The following SLC30A8 variants were observed in gnomAD, a reference collection of about 807,000 sequenced individuals.
SLC30A8 encodes proton-coupled zinc antiporter SLC30A8.
Under a neutral mutation model 36.9 loss-of-function variants are expected in SLC30A8, and 27 were observed. That is an observed-to-expected ratio of 0.73 (90% CI 0.54 to 1.01). The LOEUF (loss-of-function observed/expected upper bound fraction) is 1.01, where lower values mean the gene tolerates loss of function less well. Among genes scored for constraint, SLC30A8 ranks in the 50% least tolerant of loss-of-function variants. The pLI is 0.00. For missense variants in SLC30A8, 439 were observed against 452.0 expected, an observed-to-expected ratio of 0.97 and a Z score of 0.26; for synonymous variants, 164 against 172.4, an observed-to-expected ratio of 0.95 and a Z score of 0.38.
intron 1 of SLC30A8, among the ~76,000 whole-genome samples, chr8:117,026,437 TG>T (rs1292226900): frequency 3.9e-5 from 6 of 152,198 alleles, no homozygotes; most frequent in Non-Finnish European, 7.3e-5. Flanking sequence ...CAAGTATGCC[TG>T]GAAGAAATTC....
chr8:117,084,760 C>T (rs1818808399), intron 2 of SLC30A8, among the ~76,000 whole-genome samples: 1 of 152,136 alleles, frequency 6.6e-6, no homozygotes, highest in African/African-American at 2.4e-5. Context: ...AGACTTACAA[C>T]TAGTTTCTAC....
intron 1 of SLC30A8, among the ~76,000 whole-genome samples, chr8:117,008,056 G>T (rs1816237375): frequency 6.6e-6 from 1 of 152,116 alleles, no homozygotes; most frequent in Non-Finnish European, 1.5e-5. Context: ...ATAAGAGGCT[G>T]GTAGTGGCAA....
chr8:117,164,523 G>A (rs754847912), intron 6 of SLC30A8, among the ~76,000 whole-genome samples: 5 of 152,132 alleles, frequency 3.3e-5, no homozygotes, highest in African/African-American at 7.2e-5. Context: ...GCAGTGAGCC[G>A]AGATGGCACA....
chr8:116,973,769 A>C (rs1460826662), intron 1 of SLC30A8, among the ~76,000 whole-genome samples: 1 of 152,164 alleles, frequency 6.6e-6, no homozygotes, highest in Non-Finnish European at 1.5e-5. Flanking sequence ...GGATGCATCA[A>C]GCTACCTGAC....
chr8:116,998,513 G>A (rs912785477), intron 1 of SLC30A8, among the ~76,000 whole-genome samples: 4 of 152,142 alleles, frequency 2.6e-5, no homozygotes, highest in Non-Finnish European at 4.4e-5. Context: ...TTCATCTAAG[G>A]GCCTATGCCC....
chr8:117,136,068 A>T lies in SLC30A8; in HGVS notation c.71+670A>T, dbSNP rs142416602. On this transcript the variant is annotated intron_variant, in intron 1 of 7. Transcript: ENST00000456015. ...AAACTTAGTCTAATGTGAAATACAT[A>T]TTAGAACTAGGCAATTACAAAACAG... Among the ~76,000 whole-genome samples the T allele has an allele frequency of 3.0e-3, 452 of 152,116 alleles. 5 individuals are homozygous for T. Among genetic ancestry groups the T allele is most frequent in the African/African-American group, 0.01 (422 of 41,550 alleles).
intron 6 of SLC30A8, among the ~76,000 whole-genome samples, chr8:117,168,645 C>G (rs934397771): frequency 6.6e-6 from 1 of 151,688 alleles, no homozygotes; most frequent in African/African-American, 2.4e-5. Flanking sequence ...ATGAAGGAGA[C>G]AAGTGAAAAA....
intron 1 of SLC30A8, among the ~76,000 whole-genome samples, chr8:117,017,137 A>T (rs1312531542): frequency 6.6e-6 from 1 of 152,154 alleles, no homozygotes; most frequent in East Asian, 1.9e-4. Context: ...AGGGTTATTT[A>T]GAGATTAAAT....
intron 3 of SLC30A8, among the ~76,000 whole-genome samples, chr8:117,156,674 A>G (rs539453506): frequency 3.6e-4 from 55 of 152,340 alleles, no homozygotes; most frequent in South Asian, 1.9e-3. Context: ...CACATCAAAT[A>G]TGTAATTTCA....
At chr8:116,981,890 G>C (rs1234465081) in intron 1 of SLC30A8, among the ~76,000 whole-genome samples, 1 of 152,146 alleles carries the variant, frequency 6.6e-6, no homozygotes, top group Non-Finnish European at 1.5e-5. Context: ...GTGTGCATGT[G>C]TCTTTATGAT....
At chr8:117,171,381 G>C (rs1447137192) in intron 7 of SLC30A8, among the ~76,000 whole-genome samples, 1 of 152,106 alleles carries the variant, frequency 6.6e-6, no homozygotes, top group Non-Finnish European at 1.5e-5. Context: ...GCTGACTGCA[G>C]AGGGCTGAGG....
chr8:117,051,826 A>C (rs1817719005), intron 2 of SLC30A8, among the ~76,000 whole-genome samples: 1 of 151,688 alleles, frequency 6.6e-6, no homozygotes, highest in Non-Finnish European at 1.5e-5. Context: ...ATAAAAAAAA[A>C]TAAAAAAAAT....
chr8:117,062,486 C>T (rs144498173), intron 2 of SLC30A8, among the ~76,000 whole-genome samples: 330 of 152,256 alleles, frequency 2.2e-3, no homozygotes, highest in African/African-American at 7.7e-3. Context: ...TCAGATCTCA[C>T]ATGAACTCAC....
chr8:117,026,780 A>G (rs1816888597), intron 1 of SLC30A8, among the ~76,000 whole-genome samples: 1 of 152,168 alleles, frequency 6.6e-6, no homozygotes, highest in Admixed American at 6.5e-5. Context: ...ATGCTATGCA[A>G]TCTGGATACT....
intron 3 of SLC30A8, among the ~76,000 whole-genome samples, chr8:117,155,570 G>A (rs897890645): frequency 6.6e-6 from 1 of 152,160 alleles, no homozygotes; most frequent in African/African-American, 2.4e-5. Context: ...CAGTATTTTG[G>A]GGGGTACATT....
At chr8:116,977,753 A>G (rs1435784296) in intron 1 of SLC30A8, among the ~76,000 whole-genome samples, 2 of 151,748 alleles carry the variant, frequency 1.3e-5, no homozygotes, top group African/African-American at 4.8e-5. Context: ...CTCATGATCC[A>G]CCTGCCTCGG....
chr8:116,956,589 T>C (rs1306470521), intron 1 of SLC30A8, among the ~76,000 whole-genome samples: 1 of 152,176 alleles, frequency 6.6e-6, no homozygotes, highest in African/African-American at 2.4e-5. Context: ...AAACAGTGTA[T>C]ATCTATATAA....
At chr8:117,046,239 C>A (rs1817545661) in intron 2 of SLC30A8, among the ~76,000 whole-genome samples, 1 of 152,188 alleles carries the variant, frequency 6.6e-6, no homozygotes, top group Admixed American at 6.5e-5. Flanking sequence ...CTGGAGCTAG[C>A]AGGGCTGATG....
chr8:117,116,936 C>T (rs1446965032), intron 2 of SLC30A8, among the ~76,000 whole-genome samples: 1 of 152,058 alleles, frequency 6.6e-6, no homozygotes, highest in African/African-American at 2.4e-5. Context: ...CCTGAAACTA[C>T]CCCACCTATA....
Sources: allele counts gnomAD v4.1 joint callset (sites outside exome capture counted in the v4.1 genomes callset), GRCh38; gene constraint gnomAD v4.1.1; transcripts MANE v1.5; gene names NCBI Gene and HGNC (gene_info 2026-07-23, HGNC 2026-07-21).